THSD7B: variants seen among roughly 807,000 people sequenced by gnomAD.
THSD7B encodes the protein thrombospondin type 1 domain containing 7B.
In THSD7B, 138 loss-of-function variants were observed where a neutral mutation model predicts 213.6. The observed-to-expected ratio is 0.65, with a 90% CI of 0.56 to 0.74. THSD7B has a LOEUF of 0.74. THSD7B is among the 30% of genes least tolerant of loss of function. The pLI, the probability that THSD7B is intolerant of heterozygous loss-of-function variation, is 0.00. For synonymous variants in THSD7B, 742 were observed against 687.0 expected, an observed-to-expected ratio of 1.08 and a Z score of -1.25; for missense variants, 1,931 against 1,991.5, an observed-to-expected ratio of 0.97 and a Z score of 0.58.
intron 2 of THSD7B, among the ~76,000 whole-genome samples, chr2:136,992,289 A>G (rs1685801530): frequency 6.6e-6 from 1 of 152,242 alleles, no homozygotes; most frequent in Admixed American, 6.5e-5. Context: ...ACTTGTACTG[A>G]TTGAAGGCTG....
chr2:137,454,228 G>A (rs1687713441), intron 15 of THSD7B, among the ~76,000 whole-genome samples: 1 of 152,174 alleles, frequency 6.6e-6, no homozygotes, highest in African/African-American at 2.4e-5. Flanking sequence ...TGCACCAAAT[G>A]TGTATAAGGA....
intron 2 of THSD7B, among the ~76,000 whole-genome samples, chr2:137,022,170 A>T (rs933081837): frequency 6.6e-6 from 1 of 152,204 alleles, no homozygotes; most frequent in African/African-American, 2.4e-5. Context: ...ACATTTTTGC[A>T]TGAAATAAGT....
At chr2:137,219,925 TA>T (rs932384309) in intron 7 of THSD7B, among the ~76,000 whole-genome samples, 6 of 152,214 alleles carry the variant, frequency 3.9e-5, no homozygotes, top group Non-Finnish European at 8.8e-5. Flanking sequence ...TCTCAGTTGT[TA>T]CTTCAGTAAA....
At chr2:137,649,156 A>G (rs1275390492) in intron 21 of THSD7B, among the ~76,000 whole-genome samples, 1 of 151,850 alleles carries the variant, frequency 6.6e-6, no homozygotes, top group Non-Finnish European at 1.5e-5. Context: ...TGAACTATTT[A>G]TTTATTCTGG....
Position 137,057,287 on chromosome 2 carries a change from T to C in THSD7B, c.950+57T>C, listed in dbSNP as rs1687188736. 2.1e-6 allele frequency: 3 copies of C among 1,400,016 alleles called. No individual in the cohort carries two copies. The African/African-American group carries it at 4.4e-5, about 20-fold the overall frequency. 86.7% of individuals were successfully genotyped at this position (1,400,016 alleles called of 1,614,324 possible). On this transcript the variant is annotated intron_variant, in intron 3 of 27. Coordinates refer to ENST00000409968, the MANE Select transcript of THSD7B (RefSeq NM_001316349.2). ...ACCTAAAATATTTTATAGTGCAACT[T>C]TATAAAGCTTCTTTATGATTTTCTA...
intron 1 of THSD7B, among the ~76,000 whole-genome samples, chr2:136,807,987 T>G (rs568145742): frequency 6.6e-6 from 1 of 152,250 alleles, no homozygotes; most frequent in Admixed American, 6.5e-5. Flanking sequence ...AGGACATACA[T>G]GTGTGTATAC....
chr2:137,338,920 G>A (rs1279974131), intron 12 of THSD7B, among the ~76,000 whole-genome samples: 1 of 151,944 alleles, frequency 6.6e-6, no homozygotes, highest in African/African-American at 2.4e-5. Context: ...AAGGTTCCTT[G>A]GCATCTGACA....
intron 7 of THSD7B, among the ~76,000 whole-genome samples, chr2:137,214,658 C>T (rs1681196275): frequency 6.6e-6 from 1 of 151,924 alleles, no homozygotes; most frequent in Non-Finnish European, 1.5e-5. Context: ...GTTCAACTCC[C>T]ACTTACGAGT....
At chr2:137,331,911 C>A (rs565145703) in intron 12 of THSD7B, among the ~76,000 whole-genome samples, 3 of 152,138 alleles carry the variant, frequency 2.0e-5, no homozygotes, top group Non-Finnish European at 4.4e-5. Context: ...AGTGCGGGCC[C>A]GCCAAGCCCA....
intron 15 of THSD7B, among the ~76,000 whole-genome samples, chr2:137,544,547 T>A (rs1680671665): frequency 6.6e-6 from 1 of 151,850 alleles, no homozygotes; most frequent in Non-Finnish European, 1.5e-5. Context: ...GACAACTTTA[T>A]GAATATTTAT....
intron 2 of THSD7B, among the ~76,000 whole-genome samples, chr2:137,050,081 C>T (rs547798631): frequency 2.0e-5 from 3 of 152,120 alleles, no homozygotes; most frequent in Non-Finnish European, 4.4e-5. Context: ...TTGCTTTTTC[C>T]TGCAAAAACT....
chr2:137,074,969 G>T (rs1641544781), intron 3 of THSD7B, among the ~76,000 whole-genome samples: 1 of 152,146 alleles, frequency 6.6e-6, no homozygotes, highest in Non-Finnish European at 1.5e-5. Context: ...TTAGGCTGAT[G>T]GGCTTCCCTT....
chr2:137,117,789 T>C (rs888220940), intron 5 of THSD7B, among the ~76,000 whole-genome samples: 7 of 152,254 alleles, frequency 4.6e-5, no homozygotes, highest in Admixed American at 2.0e-4. Context: ...ATGCATATAA[T>C]TTCTAGATGC....
chr2:136,960,265 C>T (rs1685193986), intron 2 of THSD7B, among the ~76,000 whole-genome samples: 1 of 152,088 alleles, frequency 6.6e-6, no homozygotes, highest in African/African-American at 2.4e-5. Flanking sequence ...GTAGCTGGGA[C>T]TATAGGCATG....
At chr2:137,464,303 G>A (rs554716627) in intron 15 of THSD7B, among the ~76,000 whole-genome samples, 1 of 152,122 alleles carries the variant, frequency 6.6e-6, no homozygotes, top group Admixed American at 6.6e-5. Flanking sequence ...ATCTTAGGTT[G>A]GGTTCTTCCA....
intron 14 of THSD7B, among the ~76,000 whole-genome samples, chr2:137,448,149 T>C (rs978130593): frequency 6.6e-6 from 1 of 152,208 alleles, no homozygotes; most frequent in Non-Finnish European, 1.5e-5. Flanking sequence ...AGAAACTGGT[T>C]GAAGATAGAG....
At chr2:136,878,743 G>A (rs565270456) in intron 1 of THSD7B, among the ~76,000 whole-genome samples, 12 of 152,204 alleles carry the variant, frequency 7.9e-5, no homozygotes, top group South Asian at 2.1e-4. Flanking sequence ...CATAGACTTC[G>A]CCCACTTGTT....
intron 1 of THSD7B, among the ~76,000 whole-genome samples, chr2:136,841,706 C>T (rs1464634699): frequency 6.6e-6 from 1 of 151,446 alleles, no homozygotes; most frequent in Non-Finnish European, 1.5e-5. Flanking sequence ...TGATTCTTGG[C>T]TTTATTTTGC....
intron 1 of THSD7B, among the ~76,000 whole-genome samples, chr2:136,881,116 C>T (rs1357229049): frequency 6.6e-6 from 1 of 152,150 alleles, no homozygotes; most frequent in Non-Finnish European, 1.5e-5. Flanking sequence ...TCCTTCAAGT[C>T]CTAATGTTTC....
Sources: allele counts gnomAD v4.1 joint callset (sites outside exome capture counted in the v4.1 genomes callset), GRCh38; gene constraint gnomAD v4.1.1; transcripts MANE v1.5; gene names NCBI Gene and HGNC (gene_info 2026-07-23, HGNC 2026-07-21).